AHNAK: variants seen among roughly 807,000 people sequenced by gnomAD.
The protein encoded by AHNAK is AHNAK nucleoprotein.
In AHNAK, 23 loss-of-function variants were observed where a neutral mutation model predicts 37.8. That is an observed-to-expected ratio of 0.61 (90% CI 0.44 to 0.86). The LOEUF (loss-of-function observed/expected upper bound fraction) is 0.86, where lower values mean the gene tolerates loss of function less well. Among genes scored for constraint, AHNAK ranks in the 40% least tolerant of loss-of-function variants. AHNAK has a pLI of 0.00. For synonymous variants in AHNAK, 2,481 were observed against 2,636.3 expected (o/e 0.94, Z 1.80); for missense variants, 7,411 against 7,319.4 (o/e 1.01, Z -0.46).
At position 62,524,036 on chromosome 11, in the gene AHNAK, G is replaced by A. The variant is rs771629906; in HGVS notation, c.10381C>T (p.Pro3461Ser). 5.6e-6 allele frequency: 9 copies of A among 1,614,088 alleles called. No homozygotes were observed. The highest frequency in any genetic ancestry group is 7.6e-6 in the Non-Finnish European group (9 of 1,180,020). The stretch of plus-strand genomic sequence containing the variant: ...TCTGGACCATGAACATCCACATCAG[G>A]TGCATTAAGATTGACTTCTGGTGCC... ...IKAPEVNLNA[P>S]DVDVHGPDWN... Residue 3461 changes from proline (P) to serine (S), a missense_variant, in exon 5 of 5, where the codon CCT becomes TCT. By Grantham distance (74) the Pro-to-Ser change is moderately conservative (BLOSUM62 -1). Coordinates refer to ENST00000378024, the MANE Select transcript of AHNAK (RefSeq NM_001620.3).
At position 62,527,394 on chromosome 11, in the gene AHNAK, T is replaced by A; in HGVS notation, c.7023A>T (p.Leu2341Phe). ...DVSAPKLEGE[L>F]KGPELDVKGP... ...CTTTGACATCCAATTCTGGACCTTT[T>A]AACTCTCCCTCCAGCTTTGGGGCAG... The change falls in exon 5 of 5, where the codon TTA becomes TTT. Residue 2341 changes from leucine (L) to phenylalanine (F), a missense_variant. Physicochemically the swap from Leu to Phe is conservative, Grantham distance 22. Transcript: ENST00000378024. 1 of 1,614,236 alleles carries A rather than the reference T, an allele frequency of 6.2e-7. No homozygotes were observed. The highest frequency in any genetic ancestry group is 8.5e-7 in the Non-Finnish European group (1 of 1,180,028).
intron 5 of AHNAK, among the ~76,000 whole-genome samples, chr11:62,443,297 A>G (rs1420471414): frequency 9.7e-4 from 26 of 26,844 alleles, no homozygotes; most frequent in African/African-American, 3.0e-3. Flanking sequence ...TTTGAGACAG[A>G]GTTTCGCTGT....
At chr11:62,466,469 ATTTTTT>A (rs67385747) in intron 5 of AHNAK, among the ~76,000 whole-genome samples, 1 of 135,770 alleles carries the variant, frequency 7.4e-6, no homozygotes. Flanking sequence ...TAAAGTTTTG[ATTTTTT>A]TTTTTTTTTT....
In AHNAK at chr11:62,527,325, G is replaced by A; in HGVS notation, c.7092C>T (p.Gly2364=). The part of the protein sequence containing the change: ...DADMPEVAVE[G]PNGKWKTPKF... ...TAGGAGTTTTCCACTTGCCATTTGG[G>A]CCTTCCACAGCTACTTCTGGCATGT... Residue 2364 remains glycine (G), a synonymous_variant, in exon 5 of 5, where the codon GGC becomes GGT. Transcript: ENST00000378024. The A allele has an allele frequency of 1.2e-6, 2 of 1,613,750 alleles. No individual in the cohort carries two copies. Among genetic ancestry groups the A allele is most frequent in the African/African-American group, 1.3e-5 (1 of 74,948 alleles).
At chr11:62,540,541 G>A (rs905672031) in intron 1 of AHNAK, among the ~76,000 whole-genome samples, 3 of 152,194 alleles carry the variant, frequency 2.0e-5, no homozygotes, top group African/African-American at 7.2e-5. Flanking sequence ...TAGGCGTGGT[G>A]GCTCATGCCT....
chr11:62,526,305 G>T lies in AHNAK; in HGVS notation c.8112C>A (p.Ala2704=). ...KFKMPEMNIK[A]PKISMPDIDL... ...CAATATCAGGCATGGAGATCTTGGG[G>T]GCTTTGATATTCATCTCTGGCATCT... The change falls in exon 5 of 5, where the codon GCC becomes GCA. Residue 2704 remains alanine (A), a synonymous_variant. Transcript: ENST00000378024. 4 of 1,613,688 alleles carry T rather than the reference G, an allele frequency of 2.5e-6. No homozygotes were observed. Among genetic ancestry groups the T allele is most frequent in the Non-Finnish European group, 3.4e-6 (4 of 1,179,936 alleles).
In AHNAK at chr11:62,529,906, G is replaced by A; in HGVS notation, c.4511C>T (p.Pro1504Leu). The A allele has an allele frequency of 6.2e-7, 1 of 1,613,162 alleles. No homozygotes were observed. Among genetic ancestry groups the A allele is most frequent in the Admixed American group, 1.7e-5 (1 of 59,898 alleles). ...INAPDVEVHG[P>L]DWHLKMPKVK... Reference sequence around the variant, plus strand: ...CTTGGGCATCTTCAGGTGCCAGTCTGGGCCATGAACCTCCACATCTGGTGC... The same window carrying A: ...CTTGGGCATCTTCAGGTGCCAGTCTAGGCCATGAACCTCCACATCTGGTGC... The change falls in exon 5 of 5, where the codon CCA becomes CTA. Residue 1504 changes from proline to leucine, a missense_variant. By Grantham distance (98) the Pro-to-Leu change is moderately conservative (BLOSUM62 -3). Transcript: ENST00000378024.
Position 62,516,603 on chromosome 11 carries a change from G to T in AHNAK, c.*141C>A, listed in dbSNP as rs572293115. 6.8e-7 allele frequency: 1 copy of T among 1,479,734 alleles called. No individual in the cohort carries two copies. 91.7% of individuals were successfully genotyped at this position (1,479,734 alleles called of 1,614,324 possible). On this transcript the variant is annotated 3_prime_UTR_variant, in exon 5 of 5. Coordinates refer to ENST00000378024, the MANE Select transcript of AHNAK (RefSeq NM_001620.3). ...GCCTACAGGCGGTCGGTTTTTCAGC[G>T]CTTGCCACCGGGCCAGGCAAGGTCT...
rs375123429 is a variant in AHNAK at position 62,533,639 on chromosome 11, C to T, written c.778G>A (p.Val260Ile). The change falls in exon 5 of 5, where the codon GTC (valine) becomes ATC (isoleucine). Residue 260 changes from valine to isoleucine, a missense_variant. Coordinates refer to ENST00000378024, the MANE Select transcript of AHNAK (RefSeq NM_001620.3). ...CCCAAGTCCAAGCCCTTTGCATTGA[C>T]ATTGACACCTGAGCCTCCCACCTTT... ...GIKVGGSGVN[V>I]NAKGLDLGGR... 23 of 1,614,046 alleles carry T rather than the reference C, an allele frequency of 1.4e-5. No individual in the cohort carries two copies. The highest frequency in any genetic ancestry group is 1.9e-5 in the Non-Finnish European group (22 of 1,180,046).
intron 5 of AHNAK, among the ~76,000 whole-genome samples, chr11:62,452,792 A>G (rs935022189): frequency 6.6e-6 from 1 of 152,126 alleles, no homozygotes; most frequent in African/African-American, 2.4e-5. Flanking sequence ...TGGGAGGCCA[A>G]GGCGGGCAGA....
Position 62,518,911 on chromosome 11 carries a change from C to T in AHNAK, c.15506G>A (p.Gly5169Asp). ...GCCTTCGATGTTGATGTCAGGTGCA[C>T]CCAAGTTTGCCTGCACTTTGGGGCC... ...LKGPKVQANLGAPDINIEGLD... is the reference protein window; with the variant it reads ...LKGPKVQANLDAPDINIEGLD... The change falls in exon 5 of 5, where the codon GGT (glycine) becomes GAT (aspartate). Residue 5169 changes from glycine (G) to aspartate (D), a missense_variant. Coordinates refer to ENST00000378024, the MANE Select transcript of AHNAK (RefSeq NM_001620.3). 6.2e-7 allele frequency: 1 copy of T among 1,614,056 alleles called. No individual in the cohort carries two copies. Among genetic ancestry groups the T allele is most frequent in the Non-Finnish European group, 8.5e-7 (1 of 1,179,976 alleles).
intron 3 of AHNAK, among the ~76,000 whole-genome samples, chr11:62,535,409 G>T (rs2134250090): frequency 6.6e-6 from 1 of 152,244 alleles, no homozygotes; most frequent in South Asian, 2.1e-4. Context: ...AGCACTTTGG[G>T]AGACCGAGGC....
intron 5 of AHNAK, among the ~76,000 whole-genome samples, chr11:62,447,822 C>A (rs1455749573): frequency 6.6e-6 from 1 of 152,140 alleles, no homozygotes; most frequent in African/African-American, 2.4e-5. Context: ...TACCTGTCAG[C>A]ACCTTCTATG....
chr11:62,458,084 T>C (rs1938705001), intron 5 of AHNAK, among the ~76,000 whole-genome samples: 1 of 151,878 alleles, frequency 6.6e-6, no homozygotes, highest in African/African-American at 2.4e-5. Context: ...TGTCTAATTT[T>C]TTTTTTTGTA....
chr11:62,496,024 G>T (rs1472141917), intron 4 of AHNAK, among the ~76,000 whole-genome samples: 2 of 151,466 alleles, frequency 1.3e-5, no homozygotes, highest in South Asian at 4.2e-4. Context: ...ACTCCAGCAT[G>T]GGTGACAGAG....
At chr11:62,534,975 G>C (rs763596029) in intron 4 of AHNAK, 28 bp downstream of exon 4, 2 of 1,590,012 alleles carry the variant, frequency 1.3e-6, no homozygotes, top group South Asian at 2.2e-5. Context: ...GGGAGCTCAG[G>C]GCACAGATGG....
chr11:62,536,759 C>G (rs1051497983), intron 1 of AHNAK, among the ~76,000 whole-genome samples, 192 bp from the exon 2 acceptor site: 3 of 152,136 alleles, frequency 2.0e-5, no homozygotes, highest in Admixed American at 2.0e-4. Context: ...AGGAGCCAGA[C>G]TTGCAGTCAG....
chr11:62,527,141 C>A lies in AHNAK; in HGVS notation c.7276G>T (p.Asp2426Tyr), dbSNP rs775733220. ...CCCTCTGGTCCCTCAATGTCAATGTCTGGCCCACTGACATCCACATGTGGC... is the reference window on the plus strand; with the variant it reads ...CCCTCTGGTCCCTCAATGTCAATGTATGGCCCACTGACATCCACATGTGGC... ...KGPHVDVSGP[D>Y]IDIEGPEGKL... Residue 2426 changes from aspartate (D) to tyrosine (Y), a missense_variant, in exon 5 of 5, where the codon GAC becomes TAC. Asp to Tyr is a radical substitution (Grantham distance 160, BLOSUM62 -3). Coordinates refer to ENST00000378024, the MANE Select transcript of AHNAK (RefSeq NM_001620.3). 6.8e-6 allele frequency: 11 copies of A among 1,613,434 alleles called. No homozygotes were observed. Among genetic ancestry groups the A allele is most frequent in the African/African-American group, 1.3e-5 (1 of 74,892 alleles).
chr11:62,506,447 G>A (rs1056068821), intron 4 of AHNAK, among the ~76,000 whole-genome samples: 1 of 152,016 alleles, frequency 6.6e-6, no homozygotes, highest in South Asian at 2.1e-4. Flanking sequence ...AGCCAAGCAG[G>A]GCCGGCAGGT....
Sources: gnomAD v4.1 joint callset for allele counts (sites outside exome capture counted in the v4.1 genomes callset) on GRCh38, gnomAD v4.1.1 for gene constraint, MANE v1.5 for transcripts, NCBI Gene and HGNC (gene_info 2026-07-23, HGNC 2026-07-21) for gene names.